Variants in KDM4B observed in about 807,000 individuals in gnomAD.
KDM4B encodes lysine demethylase 4B, also known as lysine-specific demethylase 4B.
Under a neutral mutation model 125.2 loss-of-function variants are expected in KDM4B, and 32 were observed. The observed-to-expected ratio is 0.26, with a 90% CI of 0.19 to 0.34. The LOEUF is 0.34. Ranked by LOEUF, KDM4B falls within the 10% of genes least tolerant of loss-of-function variation. The probability of loss-of-function intolerance (pLI) is 1.00; values close to 1 mark genes in which losing one functional copy is unlikely to be tolerated. For missense variants in KDM4B, 1,190 were observed against 1,577.7 expected (o/e 0.75, Z 4.16); for synonymous variants, 721 against 677.9 (o/e 1.06, Z -0.99).
At chr19:5,065,769 C>G (rs4807684) in intron 6 of KDM4B, among the ~76,000 whole-genome samples, 48,916 of 152,184 alleles carry the variant, frequency 0.32, 9,444 homozygotes, top group East Asian at 0.9. Context: ...CGCCATCCAT[C>G]CCCTCCTCTG....
intron 5 of KDM4B, among the ~76,000 whole-genome samples, chr19:5,043,587 G>A (rs1170904490): frequency 6.8e-6 from 1 of 148,136 alleles, no homozygotes; most frequent in African/African-American, 2.6e-5. Flanking sequence ...GTTTATCAGA[G>A]TGGGGGTGTC....
intron 1 of KDM4B, among the ~76,000 whole-genome samples, chr19:4,972,032 T>A (rs1176222144): frequency 6.6e-6 from 1 of 152,216 alleles, no homozygotes; most frequent in African/African-American, 2.4e-5. Flanking sequence ...CCTAGGCTCC[T>A]GGCTCAGCTC....
At chr19:5,150,156 G>A (rs1490171502) in intron 21 of KDM4B, among the ~76,000 whole-genome samples, 3 of 152,362 alleles carry the variant, frequency 2.0e-5, no homozygotes, top group South Asian at 4.1e-4. Context: ...TCCTTGCCCC[G>A]TGGTACGGGA....
intron 6 of KDM4B, among the ~76,000 whole-genome samples, chr19:5,053,114 A>C (rs570081498): frequency 6.6e-6 from 1 of 152,216 alleles, no homozygotes; most frequent in Non-Finnish European, 1.5e-5. Flanking sequence ...ACAGCTTCAC[A>C]GATTGGTTTT....
intron 9 of KDM4B, among the ~76,000 whole-genome samples, chr19:5,102,386 T>G (rs1015771736): frequency 6.6e-6 from 1 of 152,134 alleles, no homozygotes; most frequent in African/African-American, 2.4e-5. Flanking sequence ...GGATGTGGTG[T>G]TGCCTGGCAG....
At chr19:5,136,241 G>A (rs915554878) in intron 15 of KDM4B, among the ~76,000 whole-genome samples, 4 of 152,214 alleles carry the variant, frequency 2.6e-5, no homozygotes, top group Admixed American at 6.5e-5. Flanking sequence ...AGATTGCAGC[G>A]TGGTCAGGGC....
chr19:5,079,521 C>T (rs1321551443), intron 8 of KDM4B, among the ~76,000 whole-genome samples: 1 of 152,174 alleles, frequency 6.6e-6, no homozygotes, highest in African/African-American at 2.4e-5. Context: ...GCTGCCATCA[C>T]CCCCATTCAA....
intron 6 of KDM4B, among the ~76,000 whole-genome samples, chr19:5,070,222 C>T (rs1390996328): frequency 6.6e-6 from 1 of 152,142 alleles, no homozygotes; most frequent in Non-Finnish European, 1.5e-5. Flanking sequence ...TTGCCGGAGG[C>T]CTTGGGAGTG....
intron 10 of KDM4B, chr19:5,111,747 A>G: frequency 1.3e-6 from 1 of 764,938 alleles, no homozygotes; most frequent in Admixed American, 1.7e-5. Context: ...GCCAGAGAGC[A>G]AACATTTGTG....
chr19:5,144,506 C>CG (rs1204126568), intron 20 of KDM4B, 94 bp downstream of exon 20: 25 of 151,408 alleles, frequency 1.7e-4, no homozygotes, highest in East Asian at 9.1e-4. Context: ...TGGGGGTGGG[C>CG]GGGGGGAAGC....
At chr19:4,980,393 A>G (rs2034594474) in intron 1 of KDM4B, among the ~76,000 whole-genome samples, 2 of 145,336 alleles carry the variant, frequency 1.4e-5, no homozygotes, top group African/African-American at 2.6e-5. Context: ...CACGCATGGC[A>G]TGTGTCAGAG....
chr19:5,093,182 G>A (rs895323658), intron 9 of KDM4B, among the ~76,000 whole-genome samples: 32 of 152,330 alleles, frequency 2.1e-4, no homozygotes, highest in African/African-American at 7.5e-4. Flanking sequence ...GGCAGGTCCT[G>A]GTGGCCTGGG....
At chr19:5,039,292 A>T (rs2036727784) in intron 3 of KDM4B, among the ~76,000 whole-genome samples, 1 of 152,132 alleles carries the variant, frequency 6.6e-6, no homozygotes, top group Non-Finnish European at 1.5e-5. Context: ...GAAAATTAAA[A>T]TTTTTTAAAA....
chr19:5,052,479 G>A (rs1017675112), intron 6 of KDM4B, among the ~76,000 whole-genome samples: 3 of 152,230 alleles, frequency 2.0e-5, no homozygotes, highest in South Asian at 2.1e-4. Flanking sequence ...TGAGTCTGTC[G>A]CCCACCCAGG....
intron 15 of KDM4B, 31 bp downstream of exon 15, chr19:5,135,592 G>C: frequency 1.3e-6 from 2 of 1,537,988 alleles, no homozygotes; most frequent in South Asian, 2.4e-5. Context: ...CAGAGGAGCT[G>C]CGCCCTCCTT....
Position 5,151,418 on chromosome 19 carries a change from G to T in KDM4B, c.3198G>T (p.Pro1066=). Residue 1066 remains proline, a synonymous_variant, in exon 23 of 23, where the codon CCG becomes CCT. Coordinates refer to ENST00000159111, the MANE Select transcript of KDM4B (RefSeq NM_015015.3). ...CCAAGCGCCCGCGTGTGGGCACCCC[G>T]CTTGCCACGGAGGACTCCGGGCGGA... ...KAAKRPRVGT[P]LATEDSGRSQ... is the part of the protein sequence containing the mutation. 1.3e-6 allele frequency: 2 copies of T among 1,574,534 alleles called. No individual in the cohort carries two copies. The highest frequency in any genetic ancestry group is 1.4e-5 in the African/African-American group (1 of 73,432).
At chr19:5,044,615 C>A (rs1393506480) in intron 5 of KDM4B, among the ~76,000 whole-genome samples, 3 of 152,214 alleles carry the variant, frequency 2.0e-5, no homozygotes, top group Non-Finnish European at 4.4e-5. Context: ...GTGGCGCAAT[C>A]TCAGCTCTCT....
chr19:5,064,322 A>C (rs2037699093), intron 6 of KDM4B, among the ~76,000 whole-genome samples: 1 of 152,136 alleles, frequency 6.6e-6, no homozygotes, highest in Non-Finnish European at 1.5e-5. Context: ...ATAGCGCATT[A>C]AATGGCGAAG....
intron 6 of KDM4B, among the ~76,000 whole-genome samples, chr19:5,057,947 A>G (rs1350197075): frequency 6.6e-6 from 1 of 152,232 alleles, no homozygotes; most frequent in Non-Finnish European, 1.5e-5. Context: ...GTGGTGTCCA[A>G]GGTCGCCCTG....
Sources: gnomAD v4.1 joint callset for allele counts (sites outside exome capture counted in the v4.1 genomes callset) on GRCh38, gnomAD v4.1.1 for gene constraint, MANE v1.5 for transcripts, NCBI Gene and HGNC (gene_info 2026-07-23, HGNC 2026-07-21) for gene names.